Variants in TXLNG observed in about 807,000 individuals in gnomAD.
TXLNG encodes the protein gamma-taxilin.
A neutral mutation model predicts 38.8 loss-of-function variants in TXLNG; 5 were observed. The ratio of observed to expected loss-of-function variants is 0.13; its 90% CI spans 0.07 to 0.27. The LOEUF is 0.27. TXLNG is among the 10% of genes least tolerant of loss of function. TXLNG has a pLI of 1.00. For synonymous variants in TXLNG, 182 were observed against 158.2 expected (o/e 1.15, Z -1.13); for missense variants, 393 against 398.2 (o/e 0.99, Z 0.11).
intron 1 of TXLNG, among the ~76,000 whole-genome samples, chrX:16,790,983 TC>T (rs1225268844): frequency 8.9e-6 from 1 of 112,056 alleles, no homozygotes; most frequent in Non-Finnish European, 1.9e-5. Flanking sequence ...GGCAAGTTTC[TC>T]AATCTTTCTA....
rs371963456 is a variant in TXLNG at position 16,786,600 on chromosome X, G to T, written c.102+11G>T. ...AGCCCGCGGCAGAAGGTCAGTCAGG[G>T]GGACGCCCTCGTTGTTGTCGGGCCC... On this transcript the variant is annotated intron_variant, in intron 1 of 9. Transcript: ENST00000380122. 1 of 1,045,468 alleles carries T rather than the reference G, an allele frequency of 9.6e-7. No individual in the cohort carries two copies. Among genetic ancestry groups the T allele is most frequent in the African/African-American group, 2.0e-5 (1 of 50,514 alleles). 86.2% of individuals were successfully genotyped at this position (1,045,468 alleles called of 1,213,427 possible).
In TXLNG at chrX:16,805,007, T is replaced by TTTTTTTTTTTTTTG. The variant is rs1162642529; in HGVS notation, c.103-13567_103-13566insTTTTTTTTTTTTTG. Among the ~76,000 whole-genome samples the TTTTTTTTTTTTTTG allele has an allele frequency of 4.1e-4, 16 of 38,723 alleles. 4 individuals are homozygous for TTTTTTTTTTTTTTG. The highest frequency in any genetic ancestry group is 7.0e-4 in the Non-Finnish European group (14 of 20,073). The allele number at this position is 38,723 out of a possible 115,157, so 33.6% of individuals were successfully genotyped here. ...CCGCTTTTTTTTTTTTTTTTTTTTT[T>TTTTTTTTTTTTTTG]GAGAGACAGAGCCTGGCTGTGTTGC... On this transcript the variant is annotated intron_variant, in intron 1 of 9. Transcript: ENST00000380122.
chrX:16,833,763 C>CCCTTGGA (rs1929497894), intron 6 of TXLNG, among the ~76,000 whole-genome samples: 1 of 111,615 alleles, frequency 9.0e-6, no homozygotes, highest in African/African-American at 3.3e-5. Flanking sequence ...TACTATGCAA[C>CCCTTGGA]TTTGTGATTT....
intron 1 of TXLNG, among the ~76,000 whole-genome samples, chrX:16,812,689 G>A (rs1301452805): frequency 1.2e-5 from 1 of 80,919 alleles, no homozygotes; most frequent in Non-Finnish European, 2.2e-5. Context: ...ACTGCGGCCA[G>A]CCTTTTTTTT....
At chrX:16,840,400 A>G in intron 9 of TXLNG, 1 of 749,525 alleles carries the variant, frequency 1.3e-6, no homozygotes, top group Non-Finnish European at 1.6e-6. Context: ...AGGCTTTCAA[A>G]AAAAGCAACA....
intron 1 of TXLNG, among the ~76,000 whole-genome samples, chrX:16,818,255 G>A (rs760965787): frequency 9.0e-6 from 1 of 111,135 alleles, no homozygotes; most frequent in Non-Finnish European, 1.9e-5. Context: ...CATTAACTGG[G>A]GACAGTTTCA....
intron 3 of TXLNG, among the ~76,000 whole-genome samples, chrX:16,825,336 A>G (rs1929130243): frequency 8.9e-6 from 1 of 112,139 alleles, no homozygotes; most frequent in Non-Finnish European, 1.9e-5. Flanking sequence ...GAAATCAAAC[A>G]TTTAGAAATC....
intron 1 of TXLNG, among the ~76,000 whole-genome samples, chrX:16,798,088 C>T (rs1469728531): frequency 8.9e-6 from 1 of 112,187 alleles, no homozygotes; most frequent in East Asian, 2.8e-4. Flanking sequence ...TCCTTTGATT[C>T]TGTTGGTCTG....
At chrX:16,837,960 GTTTT>G (rs1929652387) in intron 8 of TXLNG, among the ~76,000 whole-genome samples, 1 of 111,628 alleles carries the variant, frequency 9.0e-6, no homozygotes, top group African/African-American at 3.3e-5. Context: ...GTGTGTTGCT[GTTTT>G]TTGTTTGTTT....
At chrX:16,808,576 G>A (rs1464922601) in intron 1 of TXLNG, among the ~76,000 whole-genome samples, 1 of 111,288 alleles carries the variant, frequency 9.0e-6, no homozygotes, top group African/African-American at 3.3e-5. Context: ...CTTTGTGTCC[G>A]GCCAGAGATT....
chrX:16,807,271 A>C (rs1015332318), intron 1 of TXLNG, among the ~76,000 whole-genome samples: 7 of 111,875 alleles, frequency 6.3e-5, no homozygotes, highest in African/African-American at 2.3e-4. Context: ...TTCTGAATGC[A>C]TATTGGTATT....
intron 1 of TXLNG, among the ~76,000 whole-genome samples, chrX:16,808,526 G>A (rs749141283): frequency 1.1e-4 from 12 of 111,745 alleles, no homozygotes; most frequent in Non-Finnish European, 5.6e-5. Context: ...TGCTGTGAAA[G>A]TCTTGTCCCC....
intron 3 of TXLNG, among the ~76,000 whole-genome samples, chrX:16,826,424 G>C (rs1182693129): frequency 9.0e-6 from 1 of 111,700 alleles, no homozygotes; most frequent in African/African-American, 3.3e-5. Context: ...TTCAGTAAAA[G>C]CTTTATTGAA....
intron 3 of TXLNG, among the ~76,000 whole-genome samples, chrX:16,827,177 C>T (rs747997889): frequency 8.5e-4 from 94 of 110,458 alleles, no homozygotes; most frequent in Non-Finnish European, 1.6e-3. Context: ...TGCAGTGAGC[C>T]GAGATTGTGC....
At chrX:16,839,968 G>A in intron 9 of TXLNG, 52 bp downstream of exon 9, 1 of 963,010 alleles carries the variant, frequency 1.0e-6, no homozygotes, top group African/African-American at 1.9e-5. Context: ...GGGACTCCTT[G>A]AGTTCAGGTA....
chrX:16,803,693 C>A (rs1602365577), intron 1 of TXLNG, among the ~76,000 whole-genome samples: 1 of 105,432 alleles, frequency 9.5e-6, no homozygotes, highest in East Asian at 3.1e-4. Flanking sequence ...GTGGCTCACG[C>A]CTGTAATCCC....
chrX:16,801,413 T>C lies in TXLNG; in HGVS notation c.102+14824T>C, dbSNP rs1047950170. 2.7e-5 allele frequency among the ~76,000 whole-genome samples: 3 copies of C among 112,139 alleles called. No homozygotes were observed. In the Admixed American group the frequency reaches 2.8e-4, roughly 11 times the overall value. On this transcript the variant is annotated intron_variant, in intron 1 of 9. Coordinates refer to ENST00000380122, the MANE Select transcript of TXLNG (RefSeq NM_018360.3). Reference sequence around the variant, plus strand: ...GTTGGCCAGGCTGGTCTCGAACTTCTGGCCTCAGGTGATCCGCCCGCCTCG... The same window carrying C: ...GTTGGCCAGGCTGGTCTCGAACTTCCGGCCTCAGGTGATCCGCCCGCCTCG...
intron 3 of TXLNG, among the ~76,000 whole-genome samples, chrX:16,821,856 T>C (rs1928979793): frequency 9.5e-6 from 1 of 104,934 alleles, no homozygotes; most frequent in Non-Finnish European, 2.0e-5. Context: ...TAGCCTGGCA[T>C]GGTGGCAGGC....
intron 1 of TXLNG, among the ~76,000 whole-genome samples, chrX:16,815,309 G>A (rs1225176991): frequency 9.1e-6 from 1 of 109,696 alleles, no homozygotes; most frequent in African/African-American, 3.3e-5. Flanking sequence ...CCGAGTAGCT[G>A]GGATTACAGG....
Sources: gnomAD v4.1 joint callset for allele counts (sites outside exome capture counted in the v4.1 genomes callset) on GRCh38, gnomAD v4.1.1 for gene constraint, MANE v1.5 for transcripts, NCBI Gene and HGNC (gene_info 2026-07-23, HGNC 2026-07-21) for gene names.